The following HDAC4 variants were observed in gnomAD, a reference collection of about 807,000 sequenced individuals.
HDAC4 encodes histone deacetylase A.
HDAC4 carries 16 observed loss-of-function variants against 135.1 expected under a neutral mutation model. That is an observed-to-expected ratio of 0.12 (90% CI 0.08 to 0.18). The LOEUF (loss-of-function observed/expected upper bound fraction) is 0.18, where lower values mean the gene tolerates loss of function less well. Ranked by LOEUF, HDAC4 falls within the 10% of genes least tolerant of loss-of-function variation. The pLI is 1.00. For missense variants in HDAC4, 1,143 were observed against 1,511.8 expected, an observed-to-expected ratio of 0.76 and a Z score of 4.05; for synonymous variants, 685 against 653.4, an observed-to-expected ratio of 1.05 and a Z score of -0.74.
intron 1 of HDAC4, among the ~76,000 whole-genome samples, chr2:239,364,422 A>G (rs1482929063): frequency 2.0e-5 from 3 of 152,248 alleles, no homozygotes; most frequent in Admixed American, 2.0e-4. Flanking sequence ...AAAAGCAGAC[A>G]CACACAGCAG....
At chr2:239,077,728 G>A (rs2034910206) in intron 22 of HDAC4, among the ~76,000 whole-genome samples, 1 of 152,182 alleles carries the variant, frequency 6.6e-6, no homozygotes, top group Non-Finnish European at 1.5e-5. Context: ...TGTGCAGCGG[G>A]TGCCACTCAG....
chr2:239,363,733 G>A (rs1694000246), intron 1 of HDAC4, among the ~76,000 whole-genome samples: 1 of 152,160 alleles, frequency 6.6e-6, no homozygotes, highest in Non-Finnish European at 1.5e-5. Flanking sequence ...AAATTGTGCT[G>A]CACTCAATTA....
intron 16 of HDAC4, among the ~76,000 whole-genome samples, chr2:239,100,472 C>T (rs953134086): frequency 4.6e-5 from 7 of 152,226 alleles, no homozygotes; most frequent in Admixed American, 4.6e-4. Flanking sequence ...GTGGCATCCT[C>T]TCTGAGGGTG....
chr2:239,337,264 T>C (rs1460120306), intron 2 of HDAC4, among the ~76,000 whole-genome samples: 1 of 152,098 alleles, frequency 6.6e-6, no homozygotes, highest in Admixed American at 6.6e-5. Context: ...CAGATGCACG[T>C]GAGACTCAGC....
chr2:239,280,540 A>C (rs1371064813), intron 2 of HDAC4, among the ~76,000 whole-genome samples: 3 of 152,186 alleles, frequency 2.0e-5, no homozygotes, highest in Non-Finnish European at 4.4e-5. Context: ...CAAATGCTGA[A>C]GCCTCCAAGC....
At chr2:239,114,616 A>T (rs1325909576) in intron 13 of HDAC4, among the ~76,000 whole-genome samples, 1 of 152,206 alleles carries the variant, frequency 6.6e-6, no homozygotes, top group Non-Finnish European at 1.5e-5. Context: ...CTGGATCTGC[A>T]GGGCTGCTCA....
chr2:239,239,462 G>GC (rs2048059456), intron 2 of HDAC4, among the ~76,000 whole-genome samples: 1 of 152,110 alleles, frequency 6.6e-6, no homozygotes, highest in Non-Finnish European at 1.5e-5. Flanking sequence ...CTGGTGACTG[G>GC]CCCCATCCCG....
intron 5 of HDAC4, among the ~76,000 whole-genome samples, chr2:239,168,145 A>T (rs962977204): frequency 2.0e-5 from 3 of 152,222 alleles, no homozygotes; most frequent in African/African-American, 7.2e-5. Context: ...CTTCATGGAA[A>T]GGACACCTAA....
At chr2:239,080,193 T>C (rs2035172278) in intron 22 of HDAC4, among the ~76,000 whole-genome samples, 1 of 151,936 alleles carries the variant, frequency 6.6e-6, no homozygotes, top group Non-Finnish European at 1.5e-5. Flanking sequence ...CACAGACACA[T>C]GCACACACGT....
chr2:239,149,667 C>T (rs546592302), intron 7 of HDAC4, among the ~76,000 whole-genome samples: 150 of 152,294 alleles, frequency 9.8e-4, no homozygotes, highest in African/African-American at 3.1e-3. Flanking sequence ...TGCCCAGCTC[C>T]GGGGCACCAG....
intron 9 of HDAC4, among the ~76,000 whole-genome samples, chr2:239,135,859 A>AG (rs1445882930): frequency 6.6e-6 from 1 of 152,218 alleles, no homozygotes; most frequent in Non-Finnish European, 1.5e-5. Context: ...TGATACATTA[A>AG]GTTAGAAAAA....
chr2:239,092,779 C>G (rs2036636535), intron 17 of HDAC4, among the ~76,000 whole-genome samples: 1 of 152,192 alleles, frequency 6.6e-6, no homozygotes, highest in South Asian at 2.1e-4. Flanking sequence ...TGAGCAATAG[C>G]CTGGCTCAGG....
chr2:239,110,001 C>T (rs2152793621), intron 14 of HDAC4, among the ~76,000 whole-genome samples: 1 of 152,308 alleles, frequency 6.6e-6, no homozygotes, highest in Non-Finnish European at 1.5e-5. Context: ...AGCCAGGAGA[C>T]CACGTGGCTA....
intron 2 of HDAC4, among the ~76,000 whole-genome samples, chr2:239,260,997 G>A (rs1266222011): frequency 6.6e-6 from 1 of 152,116 alleles, no homozygotes; most frequent in Non-Finnish European, 1.5e-5. Flanking sequence ...CGGCTGGAGC[G>A]GCAGTCTCCG....
chr2:239,118,754 G>A (rs1314322729), intron 12 of HDAC4, among the ~76,000 whole-genome samples: 1 of 152,136 alleles, frequency 6.6e-6, no homozygotes. Context: ...CAAAGCCGGG[G>A]AGAAACAAGT....
At chr2:239,274,234 A>G (rs1488338064) in intron 2 of HDAC4, among the ~76,000 whole-genome samples, 1 of 152,186 alleles carries the variant, frequency 6.6e-6, no homozygotes, top group South Asian at 2.1e-4. Context: ...ATTTGTTGCA[A>G]ACATAAACCT....
intron 17 of HDAC4, among the ~76,000 whole-genome samples, chr2:239,092,839 TGTTTC>T (rs1218965765): frequency 2.0e-5 from 3 of 151,994 alleles, no homozygotes; most frequent in Admixed American, 6.5e-5. Context: ...GCTCACTCTG[TGTTTC>T]GTTTCTTTTT....
chr2:239,320,480 A>T (rs141817559), intron 2 of HDAC4, among the ~76,000 whole-genome samples: 5 of 152,298 alleles, frequency 3.3e-5, no homozygotes, highest in South Asian at 2.1e-4. Context: ...GTGACAAATG[A>T]CATAGGTAAA....
intron 7 of HDAC4, among the ~76,000 whole-genome samples, chr2:239,148,508 G>A (rs981629750): frequency 6.6e-6 from 1 of 152,198 alleles, no homozygotes; most frequent in Admixed American, 6.5e-5. Flanking sequence ...GAGCTCTGGG[G>A]ACAAAGGCTC....
Sources: gnomAD v4.1 joint callset for allele counts (sites outside exome capture counted in the v4.1 genomes callset) on GRCh38, gnomAD v4.1.1 for gene constraint, MANE v1.5 for transcripts, NCBI Gene and HGNC (gene_info 2026-07-23, HGNC 2026-07-21) for gene names.